SLC6A15: variants seen among roughly 807,000 people sequenced by gnomAD.
SLC6A15 encodes sodium-dependent neutral amino acid transporter B(0)AT2.
In SLC6A15, 33 loss-of-function variants were observed where a neutral mutation model predicts 68.5. That is an observed-to-expected ratio of 0.48 (90% confidence interval 0.37 to 0.64). The LOEUF is 0.64. SLC6A15 is among the 30% of genes least tolerant of loss of function. The probability of loss-of-function intolerance (pLI) is 0.00; values close to 1 mark genes in which losing one functional copy is unlikely to be tolerated. For missense variants in SLC6A15, 747 were observed against 874.3 expected (o/e 0.85, Z 1.84); for synonymous variants, 347 against 301.0 (o/e 1.15, Z -1.58).
intron 7 of SLC6A15, 77 bp from the exon 8 acceptor site, chr12:84,872,871 A>G: frequency 7.9e-7 from 1 of 1,262,570 alleles, no homozygotes; most frequent in South Asian, 1.5e-5. Flanking sequence ...ATGCCATTAT[A>G]AGCTAATGAA....
At chr12:84,902,599 T>C (rs897273604) in intron 1 of SLC6A15, among the ~76,000 whole-genome samples, 15 of 152,032 alleles carry the variant, frequency 9.9e-5, no homozygotes, top group Non-Finnish European at 1.8e-4. Flanking sequence ...AACTATCCAG[T>C]ATGCGTTTCA....
chr12:84,880,939 C>A, intron 5 of SLC6A15: 1 of 941,750 alleles, frequency 1.1e-6, no homozygotes, highest in Non-Finnish European at 1.3e-6. Flanking sequence ...CCCTGTCTAT[C>A]ATGTATTGGT....
At chr12:84,865,750 A>T (rs1411629491) in intron 10 of SLC6A15, among the ~76,000 whole-genome samples, 1 of 152,200 alleles carries the variant, frequency 6.6e-6, no homozygotes, top group African/African-American at 2.4e-5. Context: ...TCACTAAGTA[A>T]TGTGCATTAA....
At chr12:84,902,352 A>G in intron 1 of SLC6A15, among the ~76,000 whole-genome samples, 1 of 152,024 alleles carries the variant, frequency 6.6e-6, no homozygotes, top group Non-Finnish European at 1.5e-5. Flanking sequence ...TTAAATTAAT[A>G]ACACCAAATA....
intron 1 of SLC6A15, among the ~76,000 whole-genome samples, chr12:84,911,072 T>C (rs572783753): frequency 2.2e-4 from 33 of 152,176 alleles, no homozygotes; most frequent in South Asian, 1.7e-3. Flanking sequence ...AAGACATAAA[T>C]AGGTCTGTGT....
chr12:84,864,250 T>G (rs1870975579), intron 10 of SLC6A15, among the ~76,000 whole-genome samples: 1 of 151,630 alleles, frequency 6.6e-6, no homozygotes, highest in South Asian at 2.1e-4. Context: ...CATTCCGAAT[T>G]TCTAAAAAGG....
At chr12:84,885,849 G>A (rs2120645972) in intron 3 of SLC6A15, 62 bp downstream of exon 3, 2 of 1,451,308 alleles carry the variant, frequency 1.4e-6, no homozygotes, top group Non-Finnish European at 1.9e-6. Context: ...TCATTTAAAT[G>A]TTAATTATAT....
At chr12:84,892,767 T>C (rs1050896549) in intron 1 of SLC6A15, among the ~76,000 whole-genome samples, 2 of 152,168 alleles carry the variant, frequency 1.3e-5, no homozygotes, top group African/African-American at 4.8e-5. Context: ...TTGATATTAA[T>C]TGTTCTTCTC....
intron 1 of SLC6A15, among the ~76,000 whole-genome samples, chr12:84,902,980 C>T (rs191581562): frequency 4.6e-5 from 7 of 152,026 alleles, no homozygotes; most frequent in East Asian, 1.9e-4. Context: ...GAGCTATAAA[C>T]GTGGACATAC....
chr12:84,880,418 T>C lies in SLC6A15; in HGVS notation c.756+3441A>G, dbSNP rs565340232. The stretch of plus-strand genomic sequence containing the variant: ...TTCACTGTATTTATACCAACCACTT[T>C]CTTCTCTCCATGCGTTACGTCTTAT... On this transcript the variant is annotated intron_variant, in intron 5 of 11. Transcript: ENST00000266682. 2.2e-4 allele frequency among the ~76,000 whole-genome samples: 33 copies of C among 152,330 alleles called. No individual in the cohort carries two copies. In the South Asian group the frequency reaches 6.8e-3, roughly 32 times the overall value.
At chr12:84,897,493 A>C (rs1872679379) in intron 1 of SLC6A15, among the ~76,000 whole-genome samples, 1 of 152,050 alleles carries the variant, frequency 6.6e-6, no homozygotes, top group African/African-American at 2.4e-5. Flanking sequence ...TTGTATTTGC[A>C]AATAATAACA....
At chr12:84,896,887 A>G (rs913425813) in intron 1 of SLC6A15, among the ~76,000 whole-genome samples, 7 of 152,168 alleles carry the variant, frequency 4.6e-5, no homozygotes, top group Admixed American at 2.6e-4. Context: ...GAGGACTAAA[A>G]GTCACATTAG....
rs1170623121 is a variant in SLC6A15 at position 84,875,691 on chromosome 12, TATATATATGAG to T, written c.867+795_867+805del. The stretch of plus-strand genomic sequence containing the variant: ...ATATATATATATATATATATATATA[TATATATATGAG>T]AATCAAAAACGTGGTCCCTGTTAAA... On this transcript the variant is annotated intron_variant, in intron 6 of 11. Coordinates refer to ENST00000266682, the MANE Select transcript of SLC6A15 (RefSeq NM_182767.6). Among the ~76,000 whole-genome samples the T allele has an allele frequency of 1.7e-3, 11 of 6,518 alleles. 1 individual carries two copies. The highest frequency in any genetic ancestry group is 2.5e-3 in the African/African-American group (3 of 1,204). 4.3% of individuals were successfully genotyped at this position (6,518 alleles called of 152,430 possible).
intron 1 of SLC6A15, among the ~76,000 whole-genome samples, chr12:84,910,824 C>A (rs764987390): frequency 5.9e-5 from 9 of 152,138 alleles, no homozygotes; most frequent in Non-Finnish European, 1.2e-4. Context: ...TAAATGGCCC[C>A]AGCCTGTAAG....
chr12:84,881,687 A>G (rs1013084649), intron 5 of SLC6A15: 2 of 960,220 alleles, frequency 2.1e-6, no homozygotes, highest in Middle Eastern at 5.3e-4. Flanking sequence ...AAATCCTCTA[A>G]GTTGTTTTTC....
At chr12:84,899,599 T>C (rs1321971623) in intron 1 of SLC6A15, among the ~76,000 whole-genome samples, 1 of 152,164 alleles carries the variant, frequency 6.6e-6, no homozygotes, top group Non-Finnish European at 1.5e-5. Context: ...TTACTTTTCT[T>C]TGCCTCTTAT....
chr12:84,912,401 G>C (rs528549219), intron 1 of SLC6A15, 122 bp downstream of exon 1: 1 of 152,466 alleles, frequency 6.6e-6, no homozygotes, highest in Non-Finnish European at 1.5e-5. Flanking sequence ...AGGACGCAGC[G>C]AGTCCTTCCC....
intron 1 of SLC6A15, among the ~76,000 whole-genome samples, chr12:84,899,278 T>C (rs983376979): frequency 2.6e-5 from 4 of 151,954 alleles, no homozygotes; most frequent in African/African-American, 7.3e-5. Flanking sequence ...TACTTTTTGA[T>C]GGAAGGGACA....
intron 1 of SLC6A15, among the ~76,000 whole-genome samples, chr12:84,910,211 A>G (rs1432127341): frequency 6.6e-6 from 1 of 152,172 alleles, no homozygotes; most frequent in Non-Finnish European, 1.5e-5. Flanking sequence ...TCAATCAACT[A>G]TATAATGTGC....
Sources: allele counts gnomAD v4.1 joint callset (sites outside exome capture counted in the v4.1 genomes callset), GRCh38; gene constraint gnomAD v4.1.1; transcripts MANE v1.5; gene names NCBI Gene and HGNC (gene_info 2026-07-23, HGNC 2026-07-21).